Variants in CDH13 observed in about 807,000 individuals in gnomAD.
The protein encoded by CDH13 is cadherin-13.
A neutral mutation model predicts 63.8 loss-of-function variants in CDH13; 24 were observed. The observed-to-expected ratio is 0.38, with a 90% CI of 0.27 to 0.53. The LOEUF (loss-of-function observed/expected upper bound fraction) is 0.53, where lower values mean the gene tolerates loss of function less well. Among genes scored for constraint, CDH13 ranks in the 20% least tolerant of loss-of-function variants. CDH13 has a pLI of 0.85. For missense variants in CDH13, 1,049 were observed against 903.1 expected (o/e 1.16, Z -2.07); for synonymous variants, 503 against 355.3 (o/e 1.42, Z -4.67).
chr16:83,657,527 A>T (rs536315860), intron 8 of CDH13, among the ~76,000 whole-genome samples: 15 of 152,122 alleles, frequency 9.9e-5, no homozygotes, highest in Admixed American at 6.5e-5. Context: ...AGTAGCTCCA[A>T]AGTGTTCCTT....
intron 1 of CDH13, among the ~76,000 whole-genome samples, chr16:82,853,560 C>T (rs1468505710): frequency 6.6e-6 from 1 of 152,190 alleles, no homozygotes; most frequent in Non-Finnish European, 1.5e-5. Context: ...CAGAAGGTTA[C>T]TTGCCCAAGG....
intron 11 of CDH13, among the ~76,000 whole-genome samples, chr16:83,759,015 A>G (rs557359133): frequency 6.6e-6 from 1 of 152,340 alleles, no homozygotes; most frequent in East Asian, 1.9e-4. Context: ...CAATCCCAGC[A>G]TGGGGATCGG....
At chr16:83,781,165 G>A (rs745633789) in intron 12 of CDH13, among the ~76,000 whole-genome samples, 2 of 152,056 alleles carry the variant, frequency 1.3e-5, no homozygotes, top group East Asian at 1.9e-4. Flanking sequence ...ATAGGCAGGT[G>A]GAATTCAAAA....
At position 82,885,930 on chromosome 16, in the gene CDH13, A is replaced by G. The variant is rs149325920; in HGVS notation, c.157+27457A>G. ...GGCATAGAGGAAGTTCTCAGTAAAT[A>G]TTAGCTGTCTTTATCATTATTATCC... On this transcript the variant is annotated intron_variant, in intron 2 of 13. Transcript: ENST00000567109. Among the ~76,000 whole-genome samples, 524 of 152,318 alleles carry G rather than the reference A, an allele frequency of 3.4e-3. 2 individuals carry two copies. The highest frequency in any genetic ancestry group is 0.012 in the African/African-American group (494 of 41,578).
At position 83,581,668 on chromosome 16, in the gene CDH13, A is replaced by T. The variant is rs566902486; in HGVS notation, c.961-20786A>T. On this transcript the variant is annotated intron_variant, in intron 7 of 13. Coordinates refer to ENST00000567109, the MANE Select transcript of CDH13 (RefSeq NM_001257.5). Reference sequence around the variant, plus strand: ...TCCCGTCTCTACAACAAAATGCAAAAATTATCCAGGCGTAGGGGTATGCCC... The same window carrying T: ...TCCCGTCTCTACAACAAAATGCAAATATTATCCAGGCGTAGGGGTATGCCC... 1.6e-4 allele frequency among the ~76,000 whole-genome samples: 24 copies of T among 152,158 alleles called. No homozygotes were observed. The South Asian group carries it at 3.7e-3, about 24-fold the overall frequency.
At chr16:83,384,189 C>A (rs531970336) in intron 6 of CDH13, among the ~76,000 whole-genome samples, 1 of 152,260 alleles carries the variant, frequency 6.6e-6, no homozygotes, top group South Asian at 2.1e-4. Context: ...TTTATCAATA[C>A]CTTCTGCAAC....
In CDH13 at chr16:83,355,201, G is replaced by A. The variant is rs539548117; in HGVS notation, c.781+10195G>A. On this transcript the variant is annotated intron_variant, in intron 6 of 13. Transcript: ENST00000567109. ...GGCATGAGAAAACCATGGCAGCTAC[G>A]GAGATGGAGAGAAGAGATCACATAA... Among the ~76,000 whole-genome samples the A allele has an allele frequency of 1.9e-3, 282 of 152,302 alleles. 3 individuals are homozygous for A. Among genetic ancestry groups the A allele is most frequent in the African/African-American group, 6.5e-3 (269 of 41,564 alleles).
chr16:82,925,177 C>G (rs894198703), intron 2 of CDH13, among the ~76,000 whole-genome samples: 2 of 152,120 alleles, frequency 1.3e-5, no homozygotes, highest in African/African-American at 2.4e-5. Flanking sequence ...GGGCTGCCTC[C>G]TTTAGCTCTC....
intron 13 of CDH13, among the ~76,000 whole-genome samples, chr16:83,792,025 C>T (rs529622193): frequency 6.6e-6 from 1 of 152,240 alleles, no homozygotes; most frequent in Non-Finnish European, 1.5e-5. Flanking sequence ...AATCCAGGCT[C>T]TCATTGATCT....
chr16:83,784,061 C>G (rs941149224), intron 13 of CDH13, among the ~76,000 whole-genome samples: 1 of 152,154 alleles, frequency 6.6e-6, no homozygotes. Flanking sequence ...ATACATGTCT[C>G]AGATATTCCT....
chr16:82,727,754 C>G (rs1205673562), intron 1 of CDH13: 1 of 152,178 alleles, frequency 6.6e-6, no homozygotes. Flanking sequence ...ACTATGTGAT[C>G]AGTTTCCAAA....
intron 4 of CDH13, among the ~76,000 whole-genome samples, chr16:83,140,025 T>G (rs2068870315): frequency 6.6e-6 from 1 of 152,052 alleles, no homozygotes; most frequent in South Asian, 2.1e-4. Context: ...TATCCCTGAG[T>G]CCCACCATTG....
intron 2 of CDH13, among the ~76,000 whole-genome samples, chr16:82,891,653 A>G (rs1316236494): frequency 6.6e-6 from 1 of 152,170 alleles, no homozygotes; most frequent in Non-Finnish European, 1.5e-5. Flanking sequence ...AGCTGTCTGT[A>G]TTGCGGCTGT....
At chr16:83,123,080 T>C (rs1567852103) in intron 3 of CDH13, among the ~76,000 whole-genome samples, 2 of 152,174 alleles carry the variant, frequency 1.3e-5, no homozygotes, top group African/African-American at 4.8e-5. Flanking sequence ...GCTTCATCCA[T>C]GTGGCTGCAA....
intron 2 of CDH13, among the ~76,000 whole-genome samples, chr16:82,870,724 C>T (rs943210305): frequency 6.6e-6 from 1 of 152,150 alleles, no homozygotes; most frequent in Admixed American, 6.5e-5. Flanking sequence ...CATAGTATAT[C>T]TGTATCAAAA....
At chr16:82,724,173 C>A (rs962076273) in intron 1 of CDH13, among the ~76,000 whole-genome samples, 10 of 152,068 alleles carry the variant, frequency 6.6e-5, no homozygotes, top group Admixed American at 1.3e-4. Flanking sequence ...TGTACTTTTT[C>A]TTATTTCTCA....
In CDH13 at chr16:83,434,847, A is replaced by ATATGTG. The variant is rs1555548320; in HGVS notation, c.782-51629_782-51628insATGTGT. ...CTGCACCTATTTAAAATATATATAT[A>ATATGTG]TGTGTGTGCGTGTGTGTGTGTGTGT... On this transcript the variant is annotated intron_variant, in intron 6 of 13. Coordinates refer to ENST00000567109, the MANE Select transcript of CDH13 (RefSeq NM_001257.5). Among the ~76,000 whole-genome samples, 12 of 81,522 alleles carry ATATGTG rather than the reference A, an allele frequency of 1.5e-4. 1 individual carries two copies. Among genetic ancestry groups the ATATGTG allele is most frequent in the Middle Eastern group, 0.015 (2 of 132 alleles). 53.5% of individuals were successfully genotyped at this position (81,522 alleles called of 152,430 possible).
At chr16:82,791,427 G>C (rs1597593935) in intron 1 of CDH13, among the ~76,000 whole-genome samples, 1 of 152,130 alleles carries the variant, frequency 6.6e-6, no homozygotes, top group East Asian at 1.9e-4. Flanking sequence ...GAGAACACAG[G>C]GGGAGCGACA....
intron 4 of CDH13, among the ~76,000 whole-genome samples, chr16:83,139,228 G>T (rs976537239): frequency 6.6e-6 from 1 of 152,218 alleles, no homozygotes; most frequent in African/African-American, 2.4e-5. Context: ...TTTTGCACCA[G>T]TGACAGGCTT....
Sources: gnomAD v4.1 joint callset for allele counts (sites outside exome capture counted in the v4.1 genomes callset) on GRCh38, gnomAD v4.1.1 for gene constraint, MANE v1.5 for transcripts, NCBI Gene and HGNC (gene_info 2026-07-23, HGNC 2026-07-21) for gene names.